Variants in NMNAT3 observed in about 807,000 individuals in gnomAD.
The protein encoded by NMNAT3 is nicotinamide/nicotinic acid mononucleotide adenylyltransferase 3.
A neutral mutation model predicts 24.8 loss-of-function variants in NMNAT3; 21 were observed. That is an observed-to-expected ratio of 0.85 (90% CI 0.60 to 1.22). NMNAT3 has a LOEUF of 1.22. Among genes scored for constraint, NMNAT3 ranks in the 50% most tolerant of loss-of-function variants. The pLI is 0.00. For synonymous variants in NMNAT3, 136 were observed against 155.2 expected (o/e 0.88, Z 0.92); for missense variants, 387 against 436.6 (o/e 0.89, Z 1.01).
intron 1 of NMNAT3, among the ~76,000 whole-genome samples, chr3:139,659,307 C>A (rs1162909520): frequency 1.3e-5 from 2 of 152,136 alleles, no homozygotes; most frequent in Non-Finnish European, 2.9e-5. Flanking sequence ...AGCCCTCTGG[C>A]CCACGAGAGT....
chr3:139,642,243 C>T (rs868373140), intron 1 of NMNAT3, among the ~76,000 whole-genome samples: 12 of 152,186 alleles, frequency 7.9e-5, no homozygotes, highest in South Asian at 4.1e-4. Context: ...ATTGCTAAAG[C>T]GCCTGCTGAT....
At chr3:139,672,318 GA>G (rs1338635338) in intron 1 of NMNAT3, among the ~76,000 whole-genome samples, 1 of 152,206 alleles carries the variant, frequency 6.6e-6, no homozygotes, top group Non-Finnish European at 1.5e-5. Flanking sequence ...GGGAAGGCAG[GA>G]AGAAGATTGG....
chr3:139,621,751 C>T (rs1030582799), intron 3 of NMNAT3, among the ~76,000 whole-genome samples: 1 of 152,130 alleles, frequency 6.6e-6, no homozygotes, highest in Non-Finnish European at 1.5e-5. Flanking sequence ...TTCCCTAACT[C>T]ACCCTTCCCA....
At chr3:139,575,991 T>G in intron 5 of NMNAT3, 1 of 1,288,122 alleles carries the variant, frequency 7.8e-7, no homozygotes. Flanking sequence ...CTCAGTTTCT[T>G]TATCTGTAAA....
intron 3 of NMNAT3, among the ~76,000 whole-genome samples, chr3:139,609,260 A>T (rs1347191134): frequency 6.6e-6 from 1 of 152,218 alleles, no homozygotes; most frequent in Non-Finnish European, 1.5e-5. Context: ...CTGTGAGTGC[A>T]ACTGCTGGGT....
At chr3:139,610,741 C>T (rs1368700452) in intron 3 of NMNAT3, among the ~76,000 whole-genome samples, 1 of 152,190 alleles carries the variant, frequency 6.6e-6, no homozygotes, top group Non-Finnish European at 1.5e-5. Flanking sequence ...ATAGAATTAT[C>T]ATAGCTTAAT....
At chr3:139,636,286 G>A (rs1363179450) in intron 2 of NMNAT3, 3 of 151,668 alleles carry the variant, frequency 2.0e-5, no homozygotes, top group Non-Finnish European at 4.4e-5. Flanking sequence ...TATTTTATAT[G>A]CAGAAACTCA....
chr3:139,627,682 A>T lies in NMNAT3; in HGVS notation c.43T>A (p.Phe15Ile), dbSNP rs1190980347. The change falls in exon 3 of 7, where the codon TTT becomes ATT. Residue 15 changes from phenylalanine (F) to isoleucine (I), a missense_variant. Around this residue, in one of 3 missense-constraint regions of NMNAT3, gnomAD observed 51 missense variants for 55.6 expected, o/e 0.92. Coordinates refer to ENST00000643695, the MANE Select transcript of NMNAT3 (RefSeq NM_001320510.2). ...AGGTGCATGTTGGTGATGGGGTTAA[A>T]GGAGCCACAGGCCAGGAGCACCACA... 1.9e-6 allele frequency: 3 copies of T among 1,596,228 alleles called. No homozygotes were observed. In the South Asian group the frequency reaches 3.3e-5, roughly 18 times the overall value.
chr3:139,571,726 G>A (rs1307857471), intron 6 of NMNAT3, among the ~76,000 whole-genome samples: 3 of 151,970 alleles, frequency 2.0e-5, no homozygotes, highest in Non-Finnish European at 4.4e-5. Context: ...CACAGGGAAG[G>A]TGAATTCTGA....
intron 4 of NMNAT3, among the ~76,000 whole-genome samples, chr3:139,580,216 G>A (rs1203930552): frequency 1.3e-5 from 2 of 152,066 alleles, no homozygotes; most frequent in East Asian, 3.9e-4. Flanking sequence ...TGTCACCCAG[G>A]CTGGAGTGCA....
intron 5 of NMNAT3, chr3:139,576,326 C>A: frequency 2.3e-6 from 2 of 880,854 alleles, no homozygotes; most frequent in Non-Finnish European, 2.7e-6. Flanking sequence ...AAACTTACTC[C>A]AAATAATAAT....
At chr3:139,590,936 T>C (rs1168703059) in intron 3 of NMNAT3, among the ~76,000 whole-genome samples, 1 of 152,168 alleles carries the variant, frequency 6.6e-6, no homozygotes. Context: ...ATTAAAAATA[T>C]ATAAAAAAAG....
chr3:139,613,286 A>G (rs532662483), intron 3 of NMNAT3, among the ~76,000 whole-genome samples: 12 of 152,376 alleles, frequency 7.9e-5, no homozygotes, highest in African/African-American at 2.9e-4. Flanking sequence ...ACAAATTTAC[A>G]AGAAAAAATC....
At chr3:139,590,749 C>T (rs1352789140) in intron 3 of NMNAT3, among the ~76,000 whole-genome samples, 1 of 151,976 alleles carries the variant, frequency 6.6e-6, no homozygotes, top group South Asian at 2.1e-4. Context: ...GTTAATAAAA[C>T]GTATCTAAGA....
chr3:139,670,504 A>C lies in NMNAT3; in HGVS notation c.-141+7201T>G, dbSNP rs560844105. Among the ~76,000 whole-genome samples the C allele has an allele frequency of 2.6e-5, 4 of 152,324 alleles. No homozygotes were observed. In the East Asian group the frequency reaches 7.7e-4, roughly 29 times the overall value. ...CTTTTGCTAGTGCTTCCTGGGGTCC[A>C]CTTTCAAATAAACTACTCAGACTCA... is the stretch of plus-strand genomic sequence containing the variant. On this transcript the variant is annotated intron_variant, in intron 1 of 6. Transcript: ENST00000643695.
intron 3 of NMNAT3, among the ~76,000 whole-genome samples, chr3:139,611,487 G>T (rs1328137910): frequency 6.6e-6 from 1 of 152,218 alleles, no homozygotes; most frequent in Non-Finnish European, 1.5e-5. Flanking sequence ...TACAGCAAGT[G>T]AGTTTGACAC....
intron 1 of NMNAT3, among the ~76,000 whole-genome samples, chr3:139,669,807 C>A (rs1034407974): frequency 6.6e-5 from 10 of 152,092 alleles, no homozygotes; most frequent in Non-Finnish European, 1.0e-4. Flanking sequence ...ATATTTTCTC[C>A]TAATGAAGTT....
At chr3:139,635,717 C>T (rs553411866) in intron 2 of NMNAT3, 22 of 152,348 alleles carry the variant, frequency 1.4e-4, no homozygotes, top group African/African-American at 5.3e-4. Context: ...GCATCAAGGA[C>T]CTCTGGTAGG....
At chr3:139,669,478 GAAAAAAAAA>G (rs61403161) in intron 1 of NMNAT3, among the ~76,000 whole-genome samples, 1 of 59,326 alleles carries the variant, frequency 1.7e-5, no homozygotes, top group African/African-American at 8.2e-5. Context: ...CCCTGTCTCA[GAAAAAAAAA>G]AAAAAAAAAA....
Sources: allele counts gnomAD v4.1 joint callset (sites outside exome capture counted in the v4.1 genomes callset), GRCh38; gene constraint gnomAD v4.1.1; regional missense constraint gnomAD v4.1.1; transcripts MANE v1.5; gene names NCBI Gene and HGNC (gene_info 2026-07-23, HGNC 2026-07-21).